Variants in CFAP61 observed in about 807,000 individuals in gnomAD.
CFAP61 encodes the protein cilia- and flagella-associated protein 61.
CFAP61 carries 107 observed loss-of-function variants against 135.6 expected under a neutral mutation model. That is an observed-to-expected ratio of 0.79 (90% CI 0.67 to 0.93). The LOEUF (loss-of-function observed/expected upper bound fraction) is 0.93. Ranked by LOEUF, CFAP61 falls within the 40% of genes least tolerant of loss-of-function variation. CFAP61 has a pLI of 0.00. For synonymous variants in CFAP61, 575 were observed against 578.5 expected, an observed-to-expected ratio of 0.99 and a Z score of 0.09; for missense variants, 1,507 against 1,556.2, an observed-to-expected ratio of 0.97 and a Z score of 0.53.
chr20:20,140,919 C>T (rs6136952), intron 8 of CFAP61, among the ~76,000 whole-genome samples: 2 of 135,824 alleles, frequency 1.5e-5, no homozygotes, highest in African/African-American at 2.7e-5. Context: ...CTTTTTTTTT[C>T]CTTTTTTTTT....
intron 13 of CFAP61, among the ~76,000 whole-genome samples, chr20:20,176,252 G>A (rs945729450): frequency 6.6e-6 from 1 of 152,160 alleles, no homozygotes; most frequent in Admixed American, 6.5e-5. Context: ...TACACTGTTG[G>A]TGGGTGTGTA....
chr20:20,124,814 G>A (rs375888316), intron 8 of CFAP61, among the ~76,000 whole-genome samples: 4 of 151,678 alleles, frequency 2.6e-5, no homozygotes, highest in Non-Finnish European at 2.9e-5. Context: ...TTCTTTGAAC[G>A]TCTGGAAGAA....
At chr20:20,093,562 G>A (rs1286340968) in intron 7 of CFAP61, among the ~76,000 whole-genome samples, 1 of 150,758 alleles carries the variant, frequency 6.6e-6, no homozygotes, top group Non-Finnish European at 1.5e-5. Context: ...AGCCTCCCAA[G>A]TAGCTGGGAT....
intron 24 of CFAP61, among the ~76,000 whole-genome samples, chr20:20,291,423 CT>C (rs2054989753): frequency 6.6e-6 from 1 of 152,244 alleles, no homozygotes; most frequent in South Asian, 2.1e-4. Flanking sequence ...AGCCTATCGT[CT>C]TTTCAGGTTG....
chr20:20,309,379 G>C (rs1161573107), intron 25 of CFAP61, among the ~76,000 whole-genome samples: 1 of 152,066 alleles, frequency 6.6e-6, no homozygotes, highest in Non-Finnish European at 1.5e-5. Flanking sequence ...AATTGAAGGG[G>C]AACTGCGATT....
intron 24 of CFAP61, among the ~76,000 whole-genome samples, chr20:20,294,609 T>A (rs1225378679): frequency 6.6e-6 from 1 of 152,120 alleles, no homozygotes; most frequent in Admixed American, 6.5e-5. Context: ...GGCCAAAATA[T>A]GATAATGCAG....
At chr20:20,177,539 C>T (rs2054724929) in intron 13 of CFAP61, among the ~76,000 whole-genome samples, 1 of 151,712 alleles carries the variant, frequency 6.6e-6, no homozygotes, top group Admixed American at 6.6e-5. Context: ...GTCTTGTTTT[C>T]CTTCCCAGAG....
chr20:20,261,394 T>C (rs1408179863), intron 20 of CFAP61, among the ~76,000 whole-genome samples: 1 of 152,194 alleles, frequency 6.6e-6, no homozygotes, highest in Non-Finnish European at 1.5e-5. Flanking sequence ...AGTAAACTTA[T>C]TGCCTGTCAT....
intron 13 of CFAP61, among the ~76,000 whole-genome samples, chr20:20,186,994 C>T (rs2055549677): frequency 6.6e-6 from 1 of 152,184 alleles, no homozygotes; most frequent in African/African-American, 2.4e-5. Context: ...CAACCCATGG[C>T]AAACAGGCAT....
chr20:20,054,585 G>A (rs1323859341), intron 1 of CFAP61, among the ~76,000 whole-genome samples: 1 of 152,164 alleles, frequency 6.6e-6, no homozygotes, highest in Non-Finnish European at 1.5e-5. Flanking sequence ...GCTCATTTGT[G>A]CCGATATTGT....
intron 22 of CFAP61, among the ~76,000 whole-genome samples, chr20:20,279,847 T>C (rs1220325137): frequency 6.6e-6 from 1 of 152,188 alleles, no homozygotes; most frequent in Admixed American, 6.5e-5. Context: ...TATTCTCTGA[T>C]TTTCATCTCT....
chr20:20,265,482 C>T (rs748443495), intron 21 of CFAP61: 1 of 779,722 alleles, frequency 1.3e-6, no homozygotes, highest in Non-Finnish European at 2.4e-6. Flanking sequence ...TGCTGTGGTG[C>T]CCCCTTAAAG....
intron 2 of CFAP61, among the ~76,000 whole-genome samples, chr20:20,060,924 C>G (rs903522393): frequency 6.6e-6 from 1 of 152,228 alleles, no homozygotes; most frequent in African/African-American, 2.4e-5. Flanking sequence ...AGTAAGCCGT[C>G]TTAGACACTG....
intron 26 of CFAP61, among the ~76,000 whole-genome samples, chr20:20,344,236 G>C (rs1381323534): frequency 6.6e-6 from 1 of 152,210 alleles, no homozygotes; most frequent in African/African-American, 2.4e-5. Flanking sequence ...TCAGAGAGCT[G>C]TGGGGGAGTA....
intron 26 of CFAP61, among the ~76,000 whole-genome samples, chr20:20,357,501 G>A (rs1330511721): frequency 1.8e-5 from 1 of 56,292 alleles, no homozygotes; most frequent in Admixed American, 1.5e-4. Context: ...ACTGAGGGGA[G>A]GTGGTCACAC....
intron 1 of CFAP61, 46 bp downstream of exon 1, chr20:20,052,637 C>T (rs752316306): frequency 2.8e-5 from 45 of 1,613,210 alleles, no homozygotes; most frequent in Non-Finnish European, 3.7e-5. Flanking sequence ...GACTGCGGTG[C>T]AGGGCGTCCA....
At chr20:20,270,977 T>C (rs2053301469) in intron 21 of CFAP61, among the ~76,000 whole-genome samples, 1 of 152,192 alleles carries the variant, frequency 6.6e-6, no homozygotes, top group South Asian at 2.1e-4. Flanking sequence ...CAGCCCCAGG[T>C]TGAAACTTTA....
rs144095458 is a variant in CFAP61 at position 20,163,693 on chromosome 20, T to A, written c.1027-357T>A. On this transcript the variant is annotated intron_variant, in intron 10 of 26. Coordinates refer to ENST00000245957, the MANE Select transcript of CFAP61 (RefSeq NM_015585.4). ...TAGGTATACATGTGCCATGGTGGTT[T>A]GCGGCACCTATCAACCCGTCATCTA... 2.6e-5 allele frequency among the ~76,000 whole-genome samples: 4 copies of A among 152,116 alleles called. No homozygotes were observed. In the East Asian group the frequency reaches 7.7e-4, roughly 29 times the overall value.
At chr20:20,061,800 T>C (rs6081852) in intron 2 of CFAP61, among the ~76,000 whole-genome samples, 70,591 of 152,042 alleles carry the variant, frequency 0.46, 17,605 homozygotes, top group Non-Finnish European at 0.55. Flanking sequence ...CCTGACAGAA[T>C]GTAATGGAAG....
Sources: allele counts gnomAD v4.1 joint callset (sites outside exome capture counted in the v4.1 genomes callset), GRCh38; gene constraint gnomAD v4.1.1; transcripts MANE v1.5; gene names NCBI Gene and HGNC (gene_info 2026-07-23, HGNC 2026-07-21).